SHC2: variants seen among roughly 807,000 people sequenced by gnomAD.
SHC2 encodes SHC-transforming protein 2.
In SHC2, 62 loss-of-function variants were observed where a neutral mutation model predicts 60.6. That is an observed-to-expected ratio of 1.02 (90% confidence interval 0.83 to 1.26). The LOEUF is 1.26. Ranked by LOEUF, SHC2 falls within the 50% of genes most tolerant of loss-of-function variation. The pLI is 0.00. For missense variants in SHC2, 873 were observed against 822.2 expected, an observed-to-expected ratio of 1.06 and a Z score of -0.76; for synonymous variants, 375 against 372.4, an observed-to-expected ratio of 1.01 and a Z score of -0.08.
rs760593287 is a variant in SHC2, at chr19:438,790, G to C, written c.648C>G (p.Arg216=). ...GGATGGAGATGCTCATGCCGGCAAAGCGAAGGTTGCTCTTGCCCAGGACGG... is the reference window on the plus strand; with the variant it reads ...GGATGGAGATGCTCATGCCGGCAAACCGAAGGTTGCTCTTGCCCAGGACGG... ...LASVLGKSNL[R]FAGMSISIHI... The change falls in exon 4 of 13, where the codon CGC becomes CGG. Residue 216 remains arginine, a synonymous_variant. Transcript: ENST00000264554. This position sits in a 1 kb window ranked among gnomAD's most constrained non-coding sequence, Gnocchi z 5.0. 1.3e-6 allele frequency: 2 copies of C among 1,576,108 alleles called. No homozygotes were observed. The highest frequency in any genetic ancestry group is 2.7e-5 in the African/African-American group (2 of 74,012).
chr19:454,378 G>A (rs539294751), intron 1 of SHC2, among the ~76,000 whole-genome samples: 2 of 152,300 alleles, frequency 1.3e-5, no homozygotes, highest in East Asian at 3.9e-4. Context: ...ACCCTGTTCT[G>A]CCAAACCAGA....
chr19:445,043 G>A lies in SHC2; in HGVS notation c.469-4111C>T, dbSNP rs1434440380. On this transcript the variant is annotated intron_variant, in intron 1 of 12. Coordinates refer to ENST00000264554, the MANE Select transcript of SHC2 (RefSeq NM_012435.3). This position sits in a 1 kb window ranked among gnomAD's most constrained non-coding sequence, Gnocchi z 4.4. The stretch of plus-strand genomic sequence containing the variant: ...ACGACGGGAAGAGGCGGGGACCTCA[G>A]CTCACTGCATGTCCCACGCTCCACG... Among the ~76,000 whole-genome samples, 3 of 152,256 alleles carry A rather than the reference G, an allele frequency of 2.0e-5. No homozygotes were observed. Among genetic ancestry groups the A allele is most frequent in the Non-Finnish European group, 2.9e-5 (2 of 68,044 alleles).
chr19:458,744 C>G (rs867048950), intron 1 of SHC2, among the ~76,000 whole-genome samples: 4,295 of 103,854 alleles, frequency 0.041, 72 homozygotes, highest in Middle Eastern at 0.069. Flanking sequence ...TCCGGGGAGG[C>G]GGAAGCGGGT....
At chr19:420,066 T>C (rs1376858615) in intron 11 of SHC2, among the ~76,000 whole-genome samples, 1 of 152,216 alleles carries the variant, frequency 6.6e-6, no homozygotes, top group East Asian at 1.9e-4. Context: ...GGAATCTGCC[T>C]TTTAACAAGG....
intron 4 of SHC2, among the ~76,000 whole-genome samples, chr19:437,813 C>T (rs372090897): frequency 6.6e-6 from 1 of 152,072 alleles, no homozygotes; most frequent in Non-Finnish European, 1.5e-5. Flanking sequence ...TCCGACAAGG[C>T]GATGCCTCCT....
intron 7 of SHC2, chr19:435,722 A>G (rs1974699331): frequency 6.1e-6 from 1 of 163,954 alleles, no homozygotes; most frequent in African/African-American, 2.4e-5. Context: ...AGTGTTTGAG[A>G]AAACATCTAG....
rs369982156 is a variant in SHC2, at chr19:440,935, G to C, written c.469-3C>G. On this transcript the variant is annotated splice_polypyrimidine_tract_variant and splice_region_variant and intron_variant, in intron 1 of 12. Coordinates refer to ENST00000264554, the MANE Select transcript of SHC2 (RefSeq NM_012435.3). The surrounding 1 kb of genome is among the most constrained non-coding windows in gnomAD (Gnocchi z 7.0). ...AGAACCTCGATGCAGCCCATGTACT[G>C]AGGGGAGAGAACAGGTGTCAGATGC... is the stretch of plus-strand genomic sequence containing the variant. 2.9e-5 allele frequency: 47 copies of C among 1,612,008 alleles called. No individual in the cohort carries two copies. Among genetic ancestry groups the C allele is most frequent in the Non-Finnish European group, 3.8e-5 (45 of 1,179,166 alleles).
chr19:441,051 C>A lies in SHC2; in HGVS notation c.469-119G>T. On this transcript the variant is annotated intron_variant, in intron 1 of 12. Transcript: ENST00000264554. This position sits in a 1 kb window ranked among gnomAD's most constrained non-coding sequence, Gnocchi z 4.9. ...CTGGGGTCGAGCCCTTTCCTCTGTC[C>A]CTGGTGGCTCTGGGGCCGTCGTGCC... The A allele has an allele frequency of 6.6e-7, 1 of 1,515,054 alleles. No homozygotes were observed. The allele number at this position is 1,515,054 out of a possible 1,614,324, so 93.9% of individuals were successfully genotyped here.
intron 1 of SHC2, among the ~76,000 whole-genome samples, chr19:443,713 G>A (rs1974974037): frequency 6.7e-6 from 1 of 149,536 alleles, no homozygotes. Flanking sequence ...TGGATGGATG[G>A]ACGGGTGAGT....
rs754587641 is a variant in SHC2 at position 422,371 on chromosome 19, C to A, written c.1395G>T (p.Trp465Cys). ...TAAPLPLEDQ[W>C]PSPPTRRAPV... ...GGGCCCGGCGGGTAGGGGGGCTGGG[C>A]CACTGGTCCTCCAAGGGAAGAGGGG... is the stretch of plus-strand genomic sequence containing the variant. The change falls in exon 11 of 13, where the codon TGG (tryptophan) becomes TGT (cysteine). Residue 465 changes from tryptophan (W) to cysteine (C), a missense_variant. Coordinates refer to ENST00000264554, the MANE Select transcript of SHC2 (RefSeq NM_012435.3). The surrounding 1 kb of genome is among the most constrained non-coding windows in gnomAD (Gnocchi z 5.0). The A allele has an allele frequency of 2.5e-6, 4 of 1,603,468 alleles. No homozygotes were observed. The Admixed American group carries it at 5.1e-5, about 20-fold the overall frequency.
chr19:457,886 C>T (rs1047604785), intron 1 of SHC2, among the ~76,000 whole-genome samples: 1 of 152,244 alleles, frequency 6.6e-6, no homozygotes, highest in Non-Finnish European at 1.5e-5. Context: ...CGGCCCGATG[C>T]CACCAGGGAA....
chr19:440,766 C>A lies in SHC2; in HGVS notation c.539+96G>T. On this transcript the variant is annotated intron_variant, in intron 2 of 12. Transcript: ENST00000264554. The surrounding 1 kb of genome is among the most constrained non-coding windows in gnomAD (Gnocchi z 7.0). Reference sequence around the variant, plus strand: ...GAGGCTGCGTCCTGGGACCCCAGCGCGGCTGTCGGAGAGCCCATCGCTGCC... The same window carrying A: ...GAGGCTGCGTCCTGGGACCCCAGCGAGGCTGTCGGAGAGCCCATCGCTGCC... The A allele has an allele frequency of 9.4e-7, 1 of 1,064,186 alleles. No homozygotes were observed. The highest frequency in any genetic ancestry group is 2.4e-5 in the East Asian group (1 of 41,980). 65.9% of individuals were successfully genotyped at this position (1,064,186 alleles called of 1,614,324 possible).
At chr19:459,779 G>T (rs2145767838) in intron 1 of SHC2, among the ~76,000 whole-genome samples, 1 of 152,336 alleles carries the variant, frequency 6.6e-6, no homozygotes, top group Non-Finnish European at 1.5e-5. Flanking sequence ...TGGCGTGCGG[G>T]AGTGGCTGAT....
rs992652148 is a variant in SHC2 at position 434,947 on chromosome 19, A to C, written c.954-82T>G. 9.5e-5 allele frequency: 136 copies of C among 1,428,398 alleles called. 1 individual carries two copies. Among genetic ancestry groups the C allele is most frequent in the Non-Finnish European group, 8.6e-5 (92 of 1,063,626 alleles). 88.5% of individuals were successfully genotyped at this position (1,428,398 alleles called of 1,614,324 possible). ...TTACGGCTTGAGCTTCTGGGGGAGCAGGAAATATCTGAGTTCGAATCCCAG... is the reference window on the plus strand; with the variant it reads ...TTACGGCTTGAGCTTCTGGGGGAGCCGGAAATATCTGAGTTCGAATCCCAG... On this transcript the variant is annotated intron_variant, in intron 7 of 12. Coordinates refer to ENST00000264554, the MANE Select transcript of SHC2 (RefSeq NM_012435.3).
chr19:429,881 C>T (rs1297379343), intron 9 of SHC2, among the ~76,000 whole-genome samples: 3 of 148,154 alleles, frequency 2.0e-5, no homozygotes, highest in South Asian at 2.2e-4. Flanking sequence ...TGACGCAGTA[C>T]CTATATCCAA....
rs1974283974 is a variant in SHC2, at chr19:422,062, CCCCTGG to C, written c.1620+78_1620+83del. The C allele has an allele frequency of 2.2e-6, 1 of 462,046 alleles. No homozygotes were observed. The highest frequency in any genetic ancestry group is 2.5e-6 in the Non-Finnish European group (1 of 393,842). 28.6% of individuals were successfully genotyped at this position (462,046 alleles called of 1,614,324 possible). A position where few individuals can be genotyped will look rare whatever the true frequency, so the allele number is the denominator to read the frequency against. On this transcript the variant is annotated intron_variant, in intron 11 of 12. Transcript: ENST00000264554. The surrounding 1 kb of genome is among the most constrained non-coding windows in gnomAD (Gnocchi z 5.0). ...ACCCTCCCACCTGTGCCCAGCGAAGCCCCTGGATGCCCCGAGACCCTCCCACCTGTG... is the reference window on the plus strand; with the variant it reads ...ACCCTCCCACCTGTGCCCAGCGAAGCATGCCCCGAGACCCTCCCACCTGTG...
At chr19:436,008 G>T in intron 7 of SHC2, 157 bp downstream of exon 7, 1 of 788,854 alleles carries the variant, frequency 1.3e-6, no homozygotes, top group Non-Finnish European at 2.0e-6. Flanking sequence ...AACAGCCGAG[G>T]AAACAGGATC....
Position 434,701 on chromosome 19 carries a change from A to C in SHC2, c.1110+8T>G. On this transcript the variant is annotated splice_region_variant and intron_variant, in intron 8 of 12. Coordinates refer to ENST00000264554, the MANE Select transcript of SHC2 (RefSeq NM_012435.3). ...CCTGTCCCCATCCCCCCGAGGGCAG[A>C]GGCTGACCTGGTCGAGGGCCGTGAG... 6.2e-7 allele frequency: 1 copy of C among 1,606,566 alleles called. No individual in the cohort carries two copies.
At position 425,236 on chromosome 19, in the gene SHC2, G is replaced by C. The variant is rs1358351136; in HGVS notation, c.1175-5C>G. The C allele has an allele frequency of 7.5e-7, 1 of 1,328,604 alleles. No individual in the cohort carries two copies. Among genetic ancestry groups the C allele is most frequent in the Non-Finnish European group, 9.7e-7 (1 of 1,030,434 alleles). 82.3% of individuals were successfully genotyped at this position (1,328,604 alleles called of 1,614,324 possible). Reference sequence around the variant, plus strand: ...CGTAGCCGTCCCCCGGTGGAGCTGGGGAGTGTAAAGAGGGGCAGGGGGTCA... The same window carrying C: ...CGTAGCCGTCCCCCGGTGGAGCTGGCGAGTGTAAAGAGGGGCAGGGGGTCA... On this transcript the variant is annotated splice_region_variant and splice_polypyrimidine_tract_variant and intron_variant, in intron 9 of 12. Coordinates refer to ENST00000264554, the MANE Select transcript of SHC2 (RefSeq NM_012435.3). This position sits in a 1 kb window ranked among gnomAD's most constrained non-coding sequence, Gnocchi z 4.1.
Sources: gnomAD v4.1 joint callset for allele counts (sites outside exome capture counted in the v4.1 genomes callset) on GRCh38, gnomAD v4.1.1 for gene constraint, Gnocchi (gnomAD v3.1) non-coding constraint, MANE v1.5 for transcripts, NCBI Gene and HGNC (gene_info 2026-07-23, HGNC 2026-07-21) for gene names.